The following PCDHA12 variants were observed in gnomAD, a reference collection of about 807,000 sequenced individuals.
PCDHA12 encodes the protein protocadherin alpha-12.
PCDHA12 carries 44 observed loss-of-function variants against 60.0 expected under a neutral mutation model. The ratio of observed to expected loss-of-function variants is 0.73; its 90% confidence interval spans 0.58 to 0.94. PCDHA12 has a LOEUF of 0.94. Ranked by LOEUF, PCDHA12 falls within the 40% of genes least tolerant of loss-of-function variation. PCDHA12 has a pLI of 0.00. For synonymous variants in PCDHA12, 569 were observed against 553.0 expected (o/e 1.03, Z -0.40); for missense variants, 1,276 against 1,239.7 (o/e 1.03, Z -0.44).
chr5:140,906,194 A>C (rs543979654), intron 1 of PCDHA12, among the ~76,000 whole-genome samples: 6 of 152,288 alleles, frequency 3.9e-5, no homozygotes, highest in African/African-American at 1.2e-4. Context: ...AATCCAATCA[A>C]GTTGACACTC....
chr5:140,938,118 T>G (rs1554211986), intron 1 of PCDHA12, among the ~76,000 whole-genome samples: 1 of 152,178 alleles, frequency 6.6e-6, no homozygotes. Context: ...TCTCTCTTTT[T>G]TTAAAAAAAT....
At chr5:140,966,741 G>T in intron 1 of PCDHA12, 1 of 1,421,322 alleles carries the variant, frequency 7.0e-7, no homozygotes, top group Non-Finnish European at 9.1e-7. Flanking sequence ...GGCCCTGCCC[G>T]GCTGCCTCCG....
intron 1 of PCDHA12, among the ~76,000 whole-genome samples, chr5:140,934,036 G>T (rs181745303): frequency 2.9e-4 from 44 of 151,956 alleles, no homozygotes; most frequent in African/African-American, 1.0e-3. Context: ...GTTTATTAAT[G>T]ATATTAGTCT....
At chr5:140,993,031 C>T (rs186292405) in intron 3 of PCDHA12, among the ~76,000 whole-genome samples, 19 of 152,274 alleles carry the variant, frequency 1.2e-4, no homozygotes, top group Non-Finnish European at 1.8e-4. Context: ...CTGTGGGCTC[C>T]GTGTGTCATC....
At chr5:140,979,826 G>A (rs1338756237) in intron 2 of PCDHA12, among the ~76,000 whole-genome samples, 1 of 152,184 alleles carries the variant, frequency 6.6e-6, no homozygotes, top group East Asian at 1.9e-4. Context: ...TAATTTTAAA[G>A]AAGAAATAAT....
intron 1 of PCDHA12, chr5:140,968,266 G>A: frequency 6.2e-7 from 1 of 1,614,080 alleles, no homozygotes; most frequent in Non-Finnish European, 8.5e-7. Context: ...ATGAAAAGGA[G>A]AATGCAGAGG....
intron 1 of PCDHA12, among the ~76,000 whole-genome samples, chr5:140,897,659 G>A: frequency 6.6e-6 from 1 of 152,230 alleles, no homozygotes; most frequent in South Asian, 2.1e-4. Flanking sequence ...ACGTGTGCAT[G>A]TGTCTTTATA....
intron 1 of PCDHA12, chr5:140,928,541 AC>A: frequency 3.7e-6 from 6 of 1,614,192 alleles, no homozygotes; most frequent in Non-Finnish European, 5.1e-6. Context: ...GATAGGAATG[AC>A]AATTATCCGG....
rs199811254 is a variant in PCDHA12 at position 140,877,222 on chromosome 5, T to C, written c.1750T>C (p.Ser584Pro). 9.3e-5 allele frequency: 150 copies of C among 1,613,562 alleles called. No homozygotes were observed. Among genetic ancestry groups the C allele is most frequent in the Admixed American group, 2.2e-4 (13 of 59,972 alleles). ...GGAVSELVPRSVGAGHVVAKV... is the reference protein window; with the variant it reads ...GGAVSELVPRPVGAGHVVAKV... Reference sequence around the variant, plus strand: ...CGCAGTTAGCGAGTTGGTACCGCGGTCGGTGGGTGCGGGCCACGTGGTGGC... The same window carrying C: ...CGCAGTTAGCGAGTTGGTACCGCGGCCGGTGGGTGCGGGCCACGTGGTGGC... Residue 584 changes from serine (S) to proline (P), a missense_variant, in exon 1 of 4, where the codon TCG becomes CCG. Transcript: ENST00000398631.
chr5:140,896,615 G>A (rs1293256212), intron 1 of PCDHA12, among the ~76,000 whole-genome samples: 4 of 151,782 alleles, frequency 2.6e-5, no homozygotes, highest in African/African-American at 9.7e-5. Context: ...GGTCTTAAGT[G>A]ATCCACCTGC....
intron 1 of PCDHA12, among the ~76,000 whole-genome samples, chr5:140,948,964 T>C (rs2094329348): frequency 6.6e-6 from 1 of 151,790 alleles, no homozygotes; most frequent in Non-Finnish European, 1.5e-5. Context: ...AGCCACGAAT[T>C]TATTAGTATG....
At chr5:140,969,230 G>A (rs1554231609) in intron 1 of PCDHA12, 1 of 1,614,154 alleles carries the variant, frequency 6.2e-7, no homozygotes, top group South Asian at 1.1e-5. Flanking sequence ...GCCTTCGGGA[G>A]CCCAAGCAGC....
Position 140,877,103 on chromosome 5 carries a change from C to T in PCDHA12, c.1631C>T (p.Pro544Leu), listed in dbSNP as rs782607272. 4.3e-6 allele frequency: 7 copies of T among 1,613,552 alleles called. No individual in the cohort carries two copies. The highest frequency in any genetic ancestry group is 5.9e-6 in the Non-Finnish European group (7 of 1,179,844). The change falls in exon 1 of 4, where the codon CCT becomes CTT. Residue 544 changes from proline (P) to leucine (L), a missense_variant. Pro to Leu is a moderately conservative substitution (Grantham distance 98). Transcript: ENST00000398631. Reference sequence around the variant, plus strand: ...AGCGCGCGCGACGCCGGCGTGCCGCCTCTGGGCAGCAACGTGACGCTGCAG... The same window carrying T: ...AGCGCGCGCGACGCCGGCGTGCCGCTTCTGGGCAGCAACGTGACGCTGCAG... The part of the protein sequence containing the change: ...QVSARDAGVP[P>L]LGSNVTLQVF...
intron 1 of PCDHA12, among the ~76,000 whole-genome samples, chr5:140,878,776 T>C (rs1437840291): frequency 2.0e-5 from 3 of 152,226 alleles, no homozygotes; most frequent in Non-Finnish European, 4.4e-5. Flanking sequence ...TGGAATATAG[T>C]ATATGTTCAA....
chr5:140,985,554 A>G (rs1563525071), intron 3 of PCDHA12, among the ~76,000 whole-genome samples: 1 of 152,114 alleles, frequency 6.6e-6, no homozygotes, highest in Non-Finnish European at 1.5e-5. Flanking sequence ...GTTGCTTCCA[A>G]AAGGCTTCTT....
intron 1 of PCDHA12, among the ~76,000 whole-genome samples, chr5:140,942,323 T>C (rs1489572732): frequency 6.6e-6 from 1 of 151,970 alleles, no homozygotes; most frequent in Non-Finnish European, 1.5e-5. Flanking sequence ...GGCACAAGAA[T>C]CACTTGAACC....
At chr5:140,935,616 C>T (rs1247673748) in intron 1 of PCDHA12, among the ~76,000 whole-genome samples, 13 of 151,976 alleles carry the variant, frequency 8.6e-5, no homozygotes, top group African/African-American at 3.1e-4. Flanking sequence ...TTTTTCAAGT[C>T]GCTTTCAAAT....
intron 1 of PCDHA12, chr5:140,966,502 G>GGCAGCA (rs2096011406): frequency 6.9e-6 from 3 of 433,776 alleles, no homozygotes; most frequent in Non-Finnish European, 1.2e-5. Context: ...GAGCTGTAGC[G>GGCAGCA]GCAGCAGCAG....
chr5:140,968,955 A>G, intron 1 of PCDHA12: 2 of 1,614,220 alleles, frequency 1.2e-6, no homozygotes, highest in Non-Finnish European at 1.7e-6. Flanking sequence ...AGCATCATCA[A>G]GTGCTACCGC....
Sources: allele counts gnomAD v4.1 joint callset (sites outside exome capture counted in the v4.1 genomes callset), GRCh38; gene constraint gnomAD v4.1.1; transcripts MANE v1.5; gene names NCBI Gene and HGNC (gene_info 2026-07-23, HGNC 2026-07-21).